Variants in STK17A observed in about 807,000 individuals in gnomAD.
STK17A encodes serine/threonine-protein kinase 17A.
STK17A carries 26 observed loss-of-function variants against 43.7 expected under a neutral mutation model. That is an observed-to-expected ratio of 0.60 (90% CI 0.44 to 0.83). The LOEUF (loss-of-function observed/expected upper bound fraction) is 0.83. Ranked by LOEUF, STK17A falls within the 40% of genes least tolerant of loss-of-function variation. The pLI, the probability that STK17A is intolerant of heterozygous loss-of-function variation, is 0.00. For synonymous variants in STK17A, 191 were observed against 182.5 expected (o/e 1.05, Z -0.38); for missense variants, 476 against 511.6 (o/e 0.93, Z 0.67).
In STK17A at chr7:43,619,706, G is replaced by A. The variant is rs780842727; in HGVS notation, c.674G>A (p.Gly225Asp). ...KNSEELREIM[G>D]TPEYVAPEIL... ...AGTGAAGAGCTCCGAGAAATTATGG[G>A]TACCCCTGAATATGTGGGTAAGTAT... The change falls in exon 4 of 7, where the codon GGT becomes GAT. Residue 225 changes from glycine (G) to aspartate (D), a missense_variant. Physicochemically the swap from Gly to Asp is moderately conservative, Grantham distance 94. This residue lies in a region of STK17A where 320 missense variants were observed against 326.3 expected (regional missense o/e 0.98). Coordinates refer to ENST00000319357, the MANE Select transcript of STK17A (RefSeq NM_004760.3). The A allele has an allele frequency of 1.1e-5, 17 of 1,613,780 alleles. No individual in the cohort carries two copies. The highest frequency in any genetic ancestry group is 1.4e-5 in the Non-Finnish European group (17 of 1,179,930).
chr7:43,598,110 CAT>C (rs1305103690), intron 2 of STK17A, among the ~76,000 whole-genome samples: 1 of 152,024 alleles, frequency 6.6e-6, no homozygotes, highest in Non-Finnish European at 1.5e-5. Context: ...TTTTTACAAA[CAT>C]AACACTCAGA....
At chr7:43,614,181 T>G (rs1326970252) in intron 3 of STK17A, among the ~76,000 whole-genome samples, 1 of 152,250 alleles carries the variant, frequency 6.6e-6, no homozygotes, top group African/African-American at 2.4e-5. Context: ...CAGTGGTGAT[T>G]GTTCAGTAAA....
Position 43,623,610 on chromosome 7 carries a change from A to C in STK17A, c.730A>C (p.Thr244Pro), listed in dbSNP as rs1432997375. Residue 244 changes from threonine (T) to proline (P), a missense_variant, in exon 5 of 7, where the codon ACA becomes CCA. Physicochemically the swap from Thr to Pro is conservative, Grantham distance 38. Coordinates refer to ENST00000319357, the MANE Select transcript of STK17A (RefSeq NM_004760.3). ...ILSYDPISMATDMWSIGVLTY... is the reference protein window; with the variant it reads ...ILSYDPISMAPDMWSIGVLTY... ...TAGTTATGATCCTATAAGCATGGCA[A>C]CAGATATGTGGTAAGAGTTATTAAT... 1 of 1,611,582 alleles carries C rather than the reference A, an allele frequency of 6.2e-7. No homozygotes were observed. The highest frequency in any genetic ancestry group is 1.1e-5 in the South Asian group (1 of 90,496).
chr7:43,621,318 G>A (rs1360299775), intron 4 of STK17A, among the ~76,000 whole-genome samples: 1 of 152,202 alleles, frequency 6.6e-6, no homozygotes, highest in Admixed American at 6.5e-5. Context: ...TGACTTAATA[G>A]TGTTTCTTTA....
chr7:43,620,285 A>G (rs1051202530), intron 4 of STK17A, among the ~76,000 whole-genome samples: 1 of 152,220 alleles, frequency 6.6e-6, no homozygotes, highest in African/African-American at 2.4e-5. Flanking sequence ...TAGACTGAGG[A>G]AAATTGGAGT....
rs370166147 is a variant in STK17A at position 43,599,402 on chromosome 7, G to A, written c.419+3289G>A. 2.0e-4 allele frequency among the ~76,000 whole-genome samples: 30 copies of A among 152,332 alleles called. No individual in the cohort carries two copies. The East Asian group carries it at 5.4e-3, about 27-fold the overall frequency. On this transcript the variant is annotated intron_variant, in intron 2 of 6. Coordinates refer to ENST00000319357, the MANE Select transcript of STK17A (RefSeq NM_004760.3). ...TTTTGTAAGTATATGTTGTCCACCTGAAAGCCTGGTTATTGCTCAGCCATT... is the reference window on the plus strand; with the variant it reads ...TTTTGTAAGTATATGTTGTCCACCTAAAAGCCTGGTTATTGCTCAGCCATT...
chr7:43,583,253 T>C lies in STK17A; in HGVS notation c.10T>C (p.Leu4=). The C allele has an allele frequency of 6.5e-7, 1 of 1,548,470 alleles. No homozygotes were observed. Among genetic ancestry groups the C allele is most frequent in the Non-Finnish European group, 8.7e-7 (1 of 1,149,724 alleles). The change falls in exon 1 of 7, where the codon TTG becomes CTG. Residue 4 remains leucine, a synonymous_variant. Transcript: ENST00000319357. The part of the protein sequence containing the change: MIP[L]EKPGSGGSSP... ...AGCGGGCCTGAACACCATGATCCCT[T>C]TGGAGAAGCCAGGCAGCGGCGGCTC...
chr7:43,595,819 T>C lies in STK17A; in HGVS notation c.207-82T>C, dbSNP rs2082511101. ...TAAGCTAAATTTGAATATCTACCAATGGGTATTTGGAAATTTCATTGAAAT... is the reference window on the plus strand; with the variant it reads ...TAAGCTAAATTTGAATATCTACCAACGGGTATTTGGAAATTTCATTGAAAT... On this transcript the variant is annotated intron_variant, in intron 1 of 6. Coordinates refer to ENST00000319357, the MANE Select transcript of STK17A (RefSeq NM_004760.3). 6.1e-5 allele frequency: 80 copies of C among 1,303,870 alleles called. 1 individual carries two copies. The South Asian group carries it at 1.1e-3, about 18-fold the overall frequency. 80.8% of individuals were successfully genotyped at this position (1,303,870 alleles called of 1,614,324 possible).
In STK17A at chr7:43,623,773, C is replaced by G. The variant is rs754549690; in HGVS notation, c.805C>G (p.Gln269Glu). Residue 269 changes from glutamine to glutamate, a missense_variant, in exon 6 of 7, where the codon CAA becomes GAA. By Grantham distance (29) the Gln-to-Glu change is conservative. Transcript: ENST00000319357. The part of the protein sequence containing the change: ...GISPFLGNDK[Q>E]ETFLNISQMN... ...ATCACCTTTCTTAGGCAATGATAAA[C>G]AAGAAACATTCTTAAACATCTCACA... 3.7e-6 allele frequency: 6 copies of G among 1,608,494 alleles called. No homozygotes were observed. In the South Asian group the frequency reaches 6.7e-5, roughly 18 times the overall value.
intron 3 of STK17A, among the ~76,000 whole-genome samples, chr7:43,612,373 C>G (rs1209900901): frequency 6.6e-6 from 1 of 152,178 alleles, no homozygotes; most frequent in Non-Finnish European, 1.5e-5. Flanking sequence ...TTCCAATTGG[C>G]CTCTGTGAGT....
chr7:43,600,361 G>C (rs1313337888), intron 2 of STK17A, among the ~76,000 whole-genome samples: 2 of 151,988 alleles, frequency 1.3e-5, no homozygotes, highest in East Asian at 3.9e-4. Flanking sequence ...TGTGATTTGG[G>C]GATTTTAGAC....
chr7:43,609,501 A>G (rs979248566), intron 3 of STK17A: 2 of 152,290 alleles, frequency 1.3e-5, no homozygotes, highest in Admixed American at 6.5e-5. Flanking sequence ...TGTTTCTGAA[A>G]GAACAAAGAA....
At chr7:43,599,633 G>A (rs554618705) in intron 2 of STK17A, among the ~76,000 whole-genome samples, 2 of 152,302 alleles carry the variant, frequency 1.3e-5, no homozygotes, top group East Asian at 3.9e-4. Context: ...CTTCTCCAGA[G>A]AGACAGAACC....
rs1218421983 is a variant in STK17A at position 43,594,889 on chromosome 7, A to AAAAAAAT, written c.207-1011_207-1010insAAAAATA. ...ACCCAGTCTCTTAAAAAAAAAAAAA[A>AAAAAAAT]AGAAAGAAAGAAAAGAAAAGAAAAA... On this transcript the variant is annotated intron_variant, in intron 1 of 6. Transcript: ENST00000319357. 4.1e-5 allele frequency among the ~76,000 whole-genome samples: 6 copies of AAAAAAAT among 144,958 alleles called. No individual in the cohort carries two copies. In the East Asian group the frequency reaches 1.0e-3, roughly 25 times the overall value.
At chr7:43,608,220 T>C (rs1309948537) in intron 2 of STK17A, 36 bp from the exon 3 acceptor site, 14 of 1,573,298 alleles carry the variant, frequency 8.9e-6, no homozygotes, top group Middle Eastern at 1.7e-4. Flanking sequence ...CCATTTCTTA[T>C]GAGTTATATA....
intron 1 of STK17A, among the ~76,000 whole-genome samples, chr7:43,587,157 T>G (rs922324341): frequency 7.1e-6 from 1 of 141,188 alleles, no homozygotes; most frequent in East Asian, 2.0e-4. Context: ...GTTTTTTGTT[T>G]TTTTTTTTTT....
chr7:43,622,474 C>T, intron 4 of STK17A: 1 of 150,770 alleles, frequency 6.6e-6, no homozygotes, highest in African/African-American at 2.4e-5. Context: ...AGTTTTTAGT[C>T]TTTGGTCTGT....
rs748275189 is a variant in STK17A at position 43,583,362 on chromosome 7, G to A, written c.119G>A (p.Arg40His). 18 of 1,444,652 alleles carry A rather than the reference G, an allele frequency of 1.2e-5. No individual in the cohort carries two copies. The African/African-American group carries it at 2.4e-4, about 19-fold the overall frequency. 89.5% of individuals were successfully genotyped at this position (1,444,652 alleles called of 1,614,324 possible). Residue 40 changes from arginine to histidine, a missense_variant, in exon 1 of 7, where the codon CGC (arginine) becomes CAC (histidine). Transcript: ENST00000319357. ...CGGCCGCCGCCGCCGCCCCAGGCCC[G>A]CGGGCTGCTGACAGAGATACGCGCC... ...PCRPPPPPQA[R>H]GLLTEIRAVV...
rs762818321 is a variant in STK17A at position 43,596,049 on chromosome 7, C to A, written c.355C>A (p.Pro119Thr). The A allele has an allele frequency of 6.2e-7, 1 of 1,613,520 alleles. No individual in the cohort carries two copies. The highest frequency in any genetic ancestry group is 1.3e-5 in the African/African-American group (1 of 74,886). Residue 119 changes from proline (P) to threonine (T), a missense_variant, in exon 2 of 7, where the codon CCT (proline) becomes ACT (threonine). This residue lies in a region of STK17A where 320 missense variants were observed against 326.3 expected (regional missense o/e 0.98). Transcript: ENST00000319357. ...TGTACTTGAACTAGCACAAGACAAT[C>A]CTTGGGTCATTAATTTACATGAAGT... The part of the protein sequence containing the change: ...IAVLELAQDN[P>T]WVINLHEVYE...
Sources: allele counts gnomAD v4.1 joint callset (sites outside exome capture counted in the v4.1 genomes callset), GRCh38; gene constraint gnomAD v4.1.1; regional missense constraint gnomAD v4.1.1; transcripts MANE v1.5; gene names NCBI Gene and HGNC (gene_info 2026-07-23, HGNC 2026-07-21).